DLG2: variants seen among roughly 807,000 people sequenced by gnomAD.
DLG2 encodes disks large homolog 2.
DLG2 carries 45 observed loss-of-function variants against 132.5 expected under a neutral mutation model. The observed-to-expected ratio is 0.34, with a 90% CI of 0.27 to 0.44. The LOEUF (loss-of-function observed/expected upper bound fraction) is 0.44. Among genes scored for constraint, DLG2 ranks in the 20% least tolerant of loss-of-function variants. The probability of loss-of-function intolerance (pLI) is 1.00; values close to 1 mark genes in which losing one functional copy is unlikely to be tolerated. For missense variants in DLG2, 1,045 were observed against 1,196.9 expected, an observed-to-expected ratio of 0.87 and a Z score of 1.87; for synonymous variants, 424 against 419.6, an observed-to-expected ratio of 1.01 and a Z score of -0.13.
chr11:84,260,390 C>G (rs1412963036), intron 7 of DLG2, among the ~76,000 whole-genome samples: 1 of 152,174 alleles, frequency 6.6e-6, no homozygotes, highest in Non-Finnish European at 1.5e-5. Flanking sequence ...ATCCTGCATG[C>G]TCGCCATATA....
At chr11:84,875,485 C>A (rs1222421667) in intron 6 of DLG2, among the ~76,000 whole-genome samples, 5 of 150,726 alleles carry the variant, frequency 3.3e-5, no homozygotes, top group African/African-American at 9.8e-5. Context: ...AATATGAATT[C>A]TTGATTTCCT....
At chr11:84,252,098 G>A (rs1204281064) in intron 7 of DLG2, among the ~76,000 whole-genome samples, 2 of 141,684 alleles carry the variant, frequency 1.4e-5, no homozygotes, top group African/African-American at 2.7e-5. Flanking sequence ...CAACATCTAC[G>A]TTTACACATT....
intron 6 of DLG2, among the ~76,000 whole-genome samples, chr11:84,558,508 A>G (rs543330683): frequency 6.6e-6 from 1 of 152,176 alleles, no homozygotes; most frequent in Non-Finnish European, 1.5e-5. Flanking sequence ...TAAACCAATC[A>G]GGGCTCTGCT....
chr11:85,559,923 G>A (rs936202293), intron 3 of DLG2, among the ~76,000 whole-genome samples: 2 of 151,662 alleles, frequency 1.3e-5, no homozygotes, highest in Non-Finnish European at 2.9e-5. Flanking sequence ...AAAGTGGAAT[G>A]AAGCAGAACA....
intron 6 of DLG2, among the ~76,000 whole-genome samples, chr11:84,996,608 C>T (rs2154128415): frequency 6.6e-6 from 1 of 152,280 alleles, no homozygotes; most frequent in South Asian, 2.1e-4. Flanking sequence ...TGTCCTATAG[C>T]AGTGACAAAT....
intron 4 of DLG2, among the ~76,000 whole-genome samples, chr11:85,266,185 A>G (rs1337404253): frequency 1.3e-5 from 2 of 152,230 alleles, no homozygotes; most frequent in East Asian, 3.9e-4. Context: ...GGACACTGCC[A>G]CAAGGCCTGC....
rs914634649 is a variant in DLG2, at chr11:85,266,273, C to T, written c.186+18947G>A. 3.9e-5 allele frequency among the ~76,000 whole-genome samples: 6 copies of T among 152,216 alleles called. No homozygotes were observed. The South Asian group carries it at 6.2e-4, about 16-fold the overall frequency. ...TTGCCTATGTGATCCCTCCCATGTGCGGTGGATCATGGTGGGCCTAAGTAA... is the reference window on the plus strand; with the variant it reads ...TTGCCTATGTGATCCCTCCCATGTGTGGTGGATCATGGTGGGCCTAAGTAA... On this transcript the variant is annotated intron_variant, in intron 4 of 27. Transcript: ENST00000376104.
chr11:83,607,876 G>C (rs912393259), intron 19 of DLG2, among the ~76,000 whole-genome samples: 9 of 152,194 alleles, frequency 5.9e-5, no homozygotes, highest in African/African-American at 2.2e-4. Flanking sequence ...AAAGAACAAA[G>C]ACTGCAAGTC....
chr11:84,818,117 A>T (rs1281215856), intron 6 of DLG2, among the ~76,000 whole-genome samples: 1 of 152,026 alleles, frequency 6.6e-6, no homozygotes, highest in Non-Finnish European at 1.5e-5. Context: ...ACTATTTCAT[A>T]ATACTTCTCT....
In DLG2 at chr11:83,845,310, G is replaced by A. The variant is rs529933475; in HGVS notation, c.1566-11540C>T. Among the ~76,000 whole-genome samples, 37 of 152,272 alleles carry A rather than the reference G, an allele frequency of 2.4e-4. 1 individual carries two copies. The South Asian group carries it at 7.5e-3, about 31-fold the overall frequency. ...ATGTATTAGGAAACTTGTGAAGAGA[G>A]GGGCATACCAAAGGTGGTCACATGG... On this transcript the variant is annotated intron_variant, in intron 16 of 27. Transcript: ENST00000376104.
intron 6 of DLG2, among the ~76,000 whole-genome samples, chr11:84,595,642 G>A (rs138529369): frequency 3.9e-4 from 60 of 152,276 alleles, no homozygotes; most frequent in African/African-American, 1.4e-3. Flanking sequence ...TCTCAAGGTA[G>A]TGAAGCTTTC....
At chr11:83,605,641 A>T (rs1270077644) in intron 19 of DLG2, among the ~76,000 whole-genome samples, 1 of 152,254 alleles carries the variant, frequency 6.6e-6, no homozygotes, top group Non-Finnish European at 1.5e-5. Flanking sequence ...CGAAGAGTTT[A>T]AAAACTTATT....
At chr11:85,483,300 G>A (rs796831261) in intron 3 of DLG2, among the ~76,000 whole-genome samples, 1 of 152,108 alleles carries the variant, frequency 6.6e-6, no homozygotes. Flanking sequence ...GAGAGAGTGA[G>A]ATGATGTATT....
At chr11:85,300,855 T>C (rs768401571) in intron 3 of DLG2, among the ~76,000 whole-genome samples, 2 of 151,920 alleles carry the variant, frequency 1.3e-5, no homozygotes, top group Admixed American at 6.6e-5. Flanking sequence ...GTGGAAGAGA[T>C]GGAGAACGTG....
intron 7 of DLG2, among the ~76,000 whole-genome samples, chr11:84,299,351 G>T (rs1344337935): frequency 6.6e-6 from 1 of 152,158 alleles, no homozygotes; most frequent in Non-Finnish European, 1.5e-5. Context: ...GAGGCTACAG[G>T]TTATTGCAAA....
chr11:84,407,204 C>A (rs937612438), intron 7 of DLG2, among the ~76,000 whole-genome samples: 3 of 152,140 alleles, frequency 2.0e-5, no homozygotes, highest in Non-Finnish European at 4.4e-5. Flanking sequence ...CTCCCCAAAC[C>A]TGGAAGTCTG....
chr11:85,097,325 G>A (rs1594123226), intron 6 of DLG2, among the ~76,000 whole-genome samples: 1 of 152,074 alleles, frequency 6.6e-6, no homozygotes, highest in African/African-American at 2.4e-5. Flanking sequence ...GGACTATCTG[G>A]AATTTTAGGA....
intron 3 of DLG2, among the ~76,000 whole-genome samples, chr11:85,586,593 C>G (rs1269496336): frequency 6.6e-6 from 1 of 152,148 alleles, no homozygotes; most frequent in Admixed American, 6.6e-5. Context: ...TGGATCTTCT[C>G]TCTTCCTTTC....
chr11:84,530,036 A>G (rs1175595234), intron 7 of DLG2, among the ~76,000 whole-genome samples: 1 of 152,192 alleles, frequency 6.6e-6, no homozygotes, highest in Non-Finnish European at 1.5e-5. Context: ...AAAACCGGCA[A>G]TGGGGAAAGG....
Sources: gnomAD v4.1 joint callset for allele counts (sites outside exome capture counted in the v4.1 genomes callset) on GRCh38, gnomAD v4.1.1 for gene constraint, MANE v1.5 for transcripts, NCBI Gene and HGNC (gene_info 2026-07-23, HGNC 2026-07-21) for gene names.